SYNJ2: variants seen among roughly 807,000 people sequenced by gnomAD.
The protein encoded by SYNJ2 is synaptojanin 2.
In SYNJ2, 116 loss-of-function variants were observed where a neutral mutation model predicts 141.3. The ratio of observed to expected loss-of-function variants is 0.82; its 90% CI spans 0.71 to 0.96. SYNJ2 has a LOEUF of 0.96. Ranked by LOEUF, SYNJ2 falls within the 40% of genes least tolerant of loss-of-function variation. The pLI is 0.00. For missense variants in SYNJ2, 1,873 were observed against 1,934.8 expected (o/e 0.97, Z 0.60); for synonymous variants, 745 against 777.7 (o/e 0.96, Z 0.70).
intron 5 of SYNJ2, among the ~76,000 whole-genome samples, chr6:158,047,502 C>T (rs1258135223): frequency 4.6e-5 from 7 of 152,028 alleles, no homozygotes; most frequent in Admixed American, 3.9e-4. Flanking sequence ...TTTGGCTGGG[C>T]ATGGGGGCTC....
At chr6:158,093,878 T>C in intron 26 of SYNJ2, 2 of 764,896 alleles carry the variant, frequency 2.6e-6, no homozygotes, top group Non-Finnish European at 4.8e-6. Flanking sequence ...TCTTGCCACT[T>C]TTCTTGCAGA....
At chr6:158,055,790 A>G (rs1007938557) in intron 6 of SYNJ2, among the ~76,000 whole-genome samples, 6 of 152,210 alleles carry the variant, frequency 3.9e-5, no homozygotes, top group African/African-American at 1.2e-4. Flanking sequence ...CTTGTTAAAC[A>G]TAACACTTGT....
chr6:158,019,778 T>G (rs1182144816), intron 2 of SYNJ2, among the ~76,000 whole-genome samples: 1 of 152,208 alleles, frequency 6.6e-6, no homozygotes, highest in Non-Finnish European at 1.5e-5. Context: ...GAGTTTGACT[T>G]TGGCGATGTC....
intron 5 of SYNJ2, among the ~76,000 whole-genome samples, chr6:158,050,068 G>C (rs1257642563): frequency 6.6e-6 from 1 of 152,202 alleles, no homozygotes; most frequent in African/African-American, 2.4e-5. Context: ...CTACAGGTGT[G>C]GATGCACCTC....
At chr6:158,005,795 C>T (rs1020417613) in intron 1 of SYNJ2, among the ~76,000 whole-genome samples, 8 of 152,034 alleles carry the variant, frequency 5.3e-5, no homozygotes, top group African/African-American at 1.2e-4. Context: ...CTGATGGCCT[C>T]GTCCTCTCAT....
intron 26 of SYNJ2, among the ~76,000 whole-genome samples, chr6:158,094,394 C>CAAAAA (rs532980446): frequency 3.4e-4 from 25 of 72,952 alleles, no homozygotes; most frequent in African/African-American, 1.2e-3. Context: ...TACGGCTGGG[C>CAAAAA]AAAAAAAAAA....
In SYNJ2 at chr6:158,033,454, G is replaced by C; in HGVS notation, c.486-1G>C. 1 of 1,613,666 alleles carries C rather than the reference G, an allele frequency of 6.2e-7. No individual in the cohort carries two copies. The highest frequency in any genetic ancestry group is 1.1e-5 in the South Asian group (1 of 91,048). On this transcript the variant is annotated splice_acceptor_variant, in intron 3 of 26. Coordinates refer to ENST00000355585, the MANE Select transcript of SYNJ2 (RefSeq NM_003898.4). LOFTEE classifies it high-confidence loss of function. ...AATTGGTGTGGGACTGTGTTTTGCAGGAACCAGCTGTTGCACGTGCCCTTG... is the reference window on the plus strand; with the variant it reads ...AATTGGTGTGGGACTGTGTTTTGCACGAACCAGCTGTTGCACGTGCCCTTG...
At chr6:158,038,791 A>G (rs1779775556) in intron 4 of SYNJ2, among the ~76,000 whole-genome samples, 1 of 152,092 alleles carries the variant, frequency 6.6e-6, no homozygotes, top group South Asian at 2.1e-4. Flanking sequence ...GGTACTTCCG[A>G]TAGGTGGTGT....
chr6:157,981,373 A>G (rs1776994963), upstream of SYNJ2, among the ~76,000 whole-genome samples: 1 of 152,116 alleles, frequency 6.6e-6, no homozygotes, highest in Non-Finnish European at 1.5e-5. This position sits in a 1 kb window ranked among gnomAD's most constrained non-coding sequence, Gnocchi z 6.4. Flanking sequence ...TCCGCGAATT[A>G]ACTCAGGCCT....
intron 1 of SYNJ2, among the ~76,000 whole-genome samples, chr6:157,983,415 A>C (rs1001160875): frequency 1.3e-5 from 2 of 152,156 alleles, no homozygotes; most frequent in African/African-American, 4.8e-5. Flanking sequence ...AAACCACAGA[A>C]ATTTCCATTC....
At chr6:157,992,645 G>A (rs190780524) in intron 1 of SYNJ2, among the ~76,000 whole-genome samples, 20 of 152,084 alleles carry the variant, frequency 1.3e-4, no homozygotes, top group Middle Eastern at 6.8e-3. Context: ...TGATCCACCC[G>A]CCTCGGCCTC....
At chr6:158,037,591 C>T (rs532284743) in intron 4 of SYNJ2, among the ~76,000 whole-genome samples, 1 of 151,974 alleles carries the variant, frequency 6.6e-6, no homozygotes. Flanking sequence ...TTAGTAGAGA[C>T]AGGGTTTCAC....
chr6:158,034,613 G>A (rs1406111947), intron 4 of SYNJ2, among the ~76,000 whole-genome samples: 1 of 152,190 alleles, frequency 6.6e-6, no homozygotes, highest in Admixed American at 6.5e-5. Context: ...AGAGCAGGGG[G>A]CCCTAAGATG....
chr6:157,994,137 ATC>A (rs990330441), intron 1 of SYNJ2, among the ~76,000 whole-genome samples: 1 of 151,814 alleles, frequency 6.6e-6, no homozygotes, highest in African/African-American at 2.4e-5. Context: ...GGTCTTTTTT[ATC>A]TGTCTGTTTA....
chr6:158,086,728 G>A, intron 22 of SYNJ2, 127 bp from the exon 23 acceptor site: 2 of 788,568 alleles, frequency 2.5e-6, no homozygotes, highest in Admixed American at 3.5e-5. Flanking sequence ...GCCCGTTTCT[G>A]GACAGAGCCT....
intron 15 of SYNJ2, among the ~76,000 whole-genome samples, chr6:158,072,550 G>A (rs565367513): frequency 6.6e-6 from 1 of 152,262 alleles, no homozygotes; most frequent in African/African-American, 2.4e-5. Flanking sequence ...TTGGGTCACA[G>A]AGCTCTTCCC....
chr6:157,995,616 T>A (rs1777607928), intron 1 of SYNJ2, among the ~76,000 whole-genome samples: 7 of 152,190 alleles, frequency 4.6e-5, no homozygotes, highest in Admixed American at 4.6e-4. Context: ...ATCCCATGTC[T>A]GGGATCTGTT....
At chr6:158,019,094 T>C (rs998973122) in intron 2 of SYNJ2, among the ~76,000 whole-genome samples, 5 of 152,250 alleles carry the variant, frequency 3.3e-5, no homozygotes, top group African/African-American at 7.2e-5. Flanking sequence ...GCTGATGCCC[T>C]TTTTTCCACA....
rs575382100 is a variant in SYNJ2 at position 158,070,873 on chromosome 6, C to A, written c.1941-729C>A. Among the ~76,000 whole-genome samples the A allele has an allele frequency of 1.3e-5, 2 of 152,172 alleles. No homozygotes were observed. Among genetic ancestry groups the A allele is most frequent in the African/African-American group, 4.8e-5 (2 of 41,446 alleles). Reference sequence around the variant, plus strand: ...ACCCAGCCCAGCATAAACAGCTGCCCGTTTCCTAGCTCTTAAAGTGCATTG... The same window carrying A: ...ACCCAGCCCAGCATAAACAGCTGCCAGTTTCCTAGCTCTTAAAGTGCATTG... On this transcript the variant is annotated intron_variant, in intron 14 of 26. Coordinates refer to ENST00000355585, the MANE Select transcript of SYNJ2 (RefSeq NM_003898.4). The surrounding 1 kb of genome is among the most constrained non-coding windows in gnomAD (Gnocchi z 4.0).
Sources: allele counts gnomAD v4.1 joint callset (sites outside exome capture counted in the v4.1 genomes callset), GRCh38; gene constraint gnomAD v4.1.1; non-coding constraint Gnocchi (gnomAD v3.1); transcripts MANE v1.5; gene names NCBI Gene and HGNC (gene_info 2026-07-23, HGNC 2026-07-21).